ELAVL2: variants seen among roughly 807,000 people sequenced by gnomAD.
The protein encoded by ELAVL2 is ELAV-like protein 2.
ELAVL2 carries 4 observed loss-of-function variants against 34.6 expected under a neutral mutation model. The ratio of observed to expected loss-of-function variants is 0.12; its 90% confidence interval spans 0.06 to 0.26. ELAVL2 has a LOEUF of 0.26. Ranked by LOEUF, ELAVL2 falls within the 10% of genes least tolerant of loss-of-function variation. The pLI is 1.00. For missense variants in ELAVL2, 432 were observed against 442.8 expected (o/e 0.98, Z 0.22); for synonymous variants, 193 against 154.8 (o/e 1.25, Z -1.83).
At chr9:23,780,942 A>T (rs117183428) in intron 1 of ELAVL2, among the ~76,000 whole-genome samples, 1 of 152,206 alleles carries the variant, frequency 6.6e-6, no homozygotes, top group African/African-American at 2.4e-5. Context: ...CCAGGCTAAC[A>T]AACTAACAGG....
chr9:23,713,943 T>C (rs1188994726), intron 3 of ELAVL2, among the ~76,000 whole-genome samples: 2 of 152,192 alleles, frequency 1.3e-5, no homozygotes, highest in African/African-American at 2.4e-5. Context: ...CCTTAGGTCT[T>C]CTATCTCTTT....
chr9:23,793,872 A>C (rs551593482), intron 1 of ELAVL2, among the ~76,000 whole-genome samples: 35 of 152,258 alleles, frequency 2.3e-4, no homozygotes, highest in Non-Finnish European at 3.4e-4. Flanking sequence ...CTTCATTATA[A>C]GCTTTGCTGA....
chr9:23,706,511 T>G (rs1406670672), intron 3 of ELAVL2, among the ~76,000 whole-genome samples: 1 of 152,192 alleles, frequency 6.6e-6, no homozygotes, highest in Non-Finnish European at 1.5e-5. Flanking sequence ...GCCTATAACC[T>G]ATCTTTGCCA....
At chr9:23,781,060 TTTG>T (rs1413680255) in intron 1 of ELAVL2, among the ~76,000 whole-genome samples, 1 of 152,204 alleles carries the variant, frequency 6.6e-6, no homozygotes. Flanking sequence ...CCTCAACAAG[TTTG>T]TTATGTTCAT....
chr9:23,712,771 G>T (rs1228276917), intron 3 of ELAVL2, among the ~76,000 whole-genome samples: 2 of 152,112 alleles, frequency 1.3e-5, no homozygotes, highest in African/African-American at 2.4e-5. Context: ...TTAAATATTA[G>T]TCAAGGCAGT....
Position 23,740,102 on chromosome 9 carries a change from A to T in ELAVL2, c.230-8977T>A, listed in dbSNP as rs79235362. On this transcript the variant is annotated intron_variant, in intron 2 of 6. Coordinates refer to ENST00000397312, the MANE Select transcript of ELAVL2 (RefSeq NM_004432.5). ...CTTAAAAAAATCACTCTCTCACCCAAAAGTTAAAGGTTCACCAGCCCAAAC... is the reference window on the plus strand; with the variant it reads ...CTTAAAAAAATCACTCTCTCACCCATAAGTTAAAGGTTCACCAGCCCAAAC... Among the ~76,000 whole-genome samples, 1,028 of 144,790 alleles carry T rather than the reference A, an allele frequency of 7.1e-3. 11 individuals are homozygous for T. The highest frequency in any genetic ancestry group is 0.024 in the African/African-American group (979 of 40,492). 95.0% of individuals were successfully genotyped at this position (144,790 alleles called of 152,430 possible).
intron 3 of ELAVL2, among the ~76,000 whole-genome samples, chr9:23,715,526 C>G (rs1047856980): frequency 1.3e-5 from 2 of 152,242 alleles, no homozygotes; most frequent in Non-Finnish European, 2.9e-5. Flanking sequence ...GCTTTTGCTG[C>G]TTCACTGAAA....
At chr9:23,717,421 A>C (rs2042594030) in intron 3 of ELAVL2, among the ~76,000 whole-genome samples, 1 of 152,170 alleles carries the variant, frequency 6.6e-6, no homozygotes, top group Admixed American at 6.5e-5. Flanking sequence ...GATAAATGTA[A>C]AGTACAGGGC....
At chr9:23,754,540 C>T (rs1277027381) in intron 2 of ELAVL2, among the ~76,000 whole-genome samples, 1 of 151,972 alleles carries the variant, frequency 6.6e-6, no homozygotes, top group African/African-American at 2.4e-5. Flanking sequence ...TTCACTGCAA[C>T]CTCTGCCTCC....
At chr9:23,847,358 C>A in the ELAVL2 span, 1 of 152,198 alleles carries the variant, frequency 6.6e-6, no homozygotes, top group South Asian at 2.1e-4. Flanking sequence ...TCCACCGCCA[C>A]TTCCTACATC....
At chr9:23,779,439 G>C (rs1176731385) in intron 1 of ELAVL2, 3 of 984,246 alleles carry the variant, frequency 3.0e-6, no homozygotes, top group Non-Finnish European at 3.6e-6. Flanking sequence ...GGTGGCTGAG[G>C]GAATATGAAA....
At chr9:23,741,303 A>T (rs1587971598) in intron 2 of ELAVL2, among the ~76,000 whole-genome samples, 1 of 152,242 alleles carries the variant, frequency 6.6e-6, no homozygotes, top group Non-Finnish European at 1.5e-5. Context: ...TGGAAGCAAG[A>T]CTGGCCCATG....
intron 1 of ELAVL2, among the ~76,000 whole-genome samples, chr9:23,804,195 A>G (rs2061929511): frequency 6.7e-6 from 1 of 149,652 alleles, no homozygotes; most frequent in South Asian, 2.1e-4. Context: ...TTTTTTTGAG[A>G]CGGCGTCTCG....
intron 3 of ELAVL2, among the ~76,000 whole-genome samples, chr9:23,709,685 G>A (rs1027550859): frequency 3.9e-5 from 6 of 152,166 alleles, no homozygotes; most frequent in Admixed American, 6.5e-5. Flanking sequence ...TTTCTCCACT[G>A]CAATCTGTTC....
chr9:23,748,180 G>A (rs2050980131), intron 2 of ELAVL2, among the ~76,000 whole-genome samples: 1 of 149,898 alleles, frequency 6.7e-6, no homozygotes. Flanking sequence ...AGGGGTAGGG[G>A]GAAAGAGTAC....
chr9:23,842,705 T>A, the ELAVL2 span, among the ~76,000 whole-genome samples: 1 of 152,120 alleles, frequency 6.6e-6, no homozygotes, highest in African/African-American at 2.4e-5. Flanking sequence ...TAGCTGTCAC[T>A]GCAGCACTAT....
rs201181286 is a variant in ELAVL2 at position 23,701,405 on chromosome 9, C to G, written c.687G>C (p.Pro229=). ...TAAAACGCTGTGCCTGCTGAGCTAG[C>G]GGTCCTGGATACCTTCTGTTTGGAG... The part of the protein sequence containing the change: ...YQSPNRRYPG[P]LAQQAQRFRL... Residue 229 remains proline, a synonymous_variant, in exon 5 of 7, where the codon CCG becomes CCC. Transcript: ENST00000397312. The G allele has an allele frequency of 6.2e-7, 1 of 1,614,050 alleles. No individual in the cohort carries two copies. Among genetic ancestry groups the G allele is most frequent in the Non-Finnish European group, 8.5e-7 (1 of 1,179,960 alleles).
intron 5 of ELAVL2, among the ~76,000 whole-genome samples, chr9:23,697,415 A>G (rs2035638074): frequency 6.6e-6 from 1 of 152,226 alleles, no homozygotes; most frequent in Admixed American, 6.5e-5. Flanking sequence ...TTATTAAGAT[A>G]TTAGGTACAT....
At chr9:23,740,419 C>T (rs1675359190) in intron 2 of ELAVL2, among the ~76,000 whole-genome samples, 3 of 152,184 alleles carry the variant, frequency 2.0e-5, no homozygotes, top group Admixed American at 1.3e-4. Flanking sequence ...TTCCACACTA[C>T]AATCAACCTT....
Sources: gnomAD v4.1 joint callset for allele counts (sites outside exome capture counted in the v4.1 genomes callset) on GRCh38, gnomAD v4.1.1 for gene constraint, MANE v1.5 for transcripts, NCBI Gene and HGNC (gene_info 2026-07-23, HGNC 2026-07-21) for gene names.